Variants in TMC3 observed in about 807,000 individuals in gnomAD.
TMC3 encodes transmembrane channel-like protein 3.
In TMC3, 98 loss-of-function variants were observed where a neutral mutation model predicts 110.6. That is an observed-to-expected ratio of 0.89 (90% CI 0.75 to 1.05). TMC3 has a LOEUF of 1.05. Among genes scored for constraint, TMC3 ranks in the 50% least tolerant of loss-of-function variants. The probability of loss-of-function intolerance (pLI) is 0.00; values close to 1 mark genes in which losing one functional copy is unlikely to be tolerated. For synonymous variants in TMC3, 489 were observed against 513.1 expected, an observed-to-expected ratio of 0.95 and a Z score of 0.63; for missense variants, 1,319 against 1,373.2, an observed-to-expected ratio of 0.96 and a Z score of 0.62.
intron 3 of TMC3, among the ~76,000 whole-genome samples, chr15:81,364,700 CAAAAAAAAAAAAAT>C (rs1385113261): frequency 9.1e-6 from 1 of 110,328 alleles, no homozygotes; most frequent in Non-Finnish European, 2.0e-5. Context: ...AACATTATTC[CAAAAAAAAAAAAAT>C]AAAAAATAAA....
intron 3 of TMC3, among the ~76,000 whole-genome samples, chr15:81,365,292 T>C (rs545860600): frequency 3.2e-3 from 493 of 152,358 alleles, no homozygotes; most frequent in Admixed American, 9.7e-3. Flanking sequence ...ACTCTTCATT[T>C]GACCAGCATC....
At chr15:81,365,006 T>G (rs1894279012) in intron 3 of TMC3, among the ~76,000 whole-genome samples, 1 of 152,172 alleles carries the variant, frequency 6.6e-6, no homozygotes, top group African/African-American at 2.4e-5. Flanking sequence ...ATTATAAAAG[T>G]AAATACAGTC....
At chr15:81,356,384 C>T in intron 8 of TMC3, 63 bp downstream of exon 8, 1 of 1,508,782 alleles carries the variant, frequency 6.6e-7, no homozygotes, top group South Asian at 1.3e-5. Context: ...CAGCTGAGGG[C>T]CAGCGGCTGG....
At chr15:81,337,277 G>A (rs963907250) in intron 19 of TMC3, among the ~76,000 whole-genome samples, 2 of 152,116 alleles carry the variant, frequency 1.3e-5, no homozygotes, top group Admixed American at 1.3e-4. Context: ...TTGGGGTCTG[G>A]AGGACCCAGG....
intron 16 of TMC3, among the ~76,000 whole-genome samples, chr15:81,340,748 A>G (rs1006306242): frequency 2.6e-5 from 4 of 152,234 alleles, no homozygotes; most frequent in African/African-American, 9.6e-5. Flanking sequence ...CAGCAATTGC[A>G]TTCCTAGGTA....
chr15:81,356,712 T>C, intron 7 of TMC3, 118 bp from the exon 8 acceptor site: 1 of 1,130,788 alleles, frequency 8.8e-7, no homozygotes, highest in South Asian at 1.6e-5. Context: ...TGGACGCAGC[T>C]CCTCGGGTCA....
intron 19 of TMC3, 142 bp downstream of exon 19, chr15:81,337,704 G>A (rs931444446): frequency 1.4e-6 from 1 of 708,758 alleles, no homozygotes; most frequent in African/African-American, 1.7e-5. Context: ...GACATCTGGG[G>A]ATTGGTGGCC....
chr15:81,355,110 A>G (rs1596088926), intron 9 of TMC3, among the ~76,000 whole-genome samples: 1 of 152,044 alleles, frequency 6.6e-6, no homozygotes, highest in African/African-American at 2.4e-5. Context: ...GTGTTTCCTT[A>G]ATTCCCCATG....
rs754591842 is a variant in TMC3 at position 81,362,188 on chromosome 15, T to G, written c.394+32A>C. On this transcript the variant is annotated intron_variant, in intron 4 of 21. Coordinates refer to ENST00000359440, the MANE Select transcript of TMC3 (RefSeq NM_001080532.3). Reference sequence around the variant, plus strand: ...CTGTGACTGGCCACTAGCATTGCATTCCTGCCCCACTCTCCAGGTGTAAAT... The same window carrying G: ...CTGTGACTGGCCACTAGCATTGCATGCCTGCCCCACTCTCCAGGTGTAAAT... 1.3e-5 allele frequency: 21 copies of G among 1,563,370 alleles called. No homozygotes were observed. In the African/African-American group the frequency reaches 1.6e-4, roughly 12 times the overall value.
At chr15:81,363,411 G>A (rs889067701) in intron 3 of TMC3, among the ~76,000 whole-genome samples, 3 of 152,212 alleles carry the variant, frequency 2.0e-5, no homozygotes, top group African/African-American at 7.2e-5. Flanking sequence ...ATCTGGGTTT[G>A]TGCTGGAAGC....
intron 3 of TMC3, among the ~76,000 whole-genome samples, chr15:81,363,720 G>T (rs575933186): frequency 6.6e-6 from 1 of 152,226 alleles, no homozygotes; most frequent in East Asian, 1.9e-4. Flanking sequence ...ATAATTTTTG[G>T]TCTCTCGCAT....
chr15:81,370,757 C>G (rs552742967), intron 2 of TMC3, among the ~76,000 whole-genome samples: 12 of 151,330 alleles, frequency 7.9e-5, no homozygotes, highest in African/African-American at 2.9e-4. Flanking sequence ...TCACTGCAAC[C>G]TCTTCCTCCC....
chr15:81,367,743 G>A (rs561216502), intron 3 of TMC3, among the ~76,000 whole-genome samples: 192 of 152,244 alleles, frequency 1.3e-3, no homozygotes, highest in Middle Eastern at 6.8e-3. Context: ...ACACAATTGG[G>A]AAGGGAAGGC....
At chr15:81,349,211 CTTCAT>C (rs1893889420) in intron 11 of TMC3, among the ~76,000 whole-genome samples, 1 of 152,196 alleles carries the variant, frequency 6.6e-6, no homozygotes, top group Non-Finnish European at 1.5e-5. Context: ...TCTTCCTCTT[CTTCAT>C]TTCTTTTCTT....
At chr15:81,371,247 A>G (rs1224187285) in intron 2 of TMC3, among the ~76,000 whole-genome samples, 1 of 152,070 alleles carries the variant, frequency 6.6e-6, no homozygotes, top group Non-Finnish European at 1.5e-5. Flanking sequence ...CATGAAGGAG[A>G]ATTACTTGGA....
chr15:81,366,625 A>G (rs1337854465), intron 3 of TMC3, among the ~76,000 whole-genome samples: 2 of 152,202 alleles, frequency 1.3e-5, no homozygotes, highest in African/African-American at 4.8e-5. Context: ...TTTAGAGAAA[A>G]CAAAAGAGCT....
chr15:81,365,692 GAAA>G (rs957242815), intron 3 of TMC3, among the ~76,000 whole-genome samples: 12 of 138,912 alleles, frequency 8.6e-5, no homozygotes, highest in African/African-American at 2.1e-4. Flanking sequence ...AAAAGAAAAA[GAAA>G]AAAAAGAAAA....
At position 81,362,308 on chromosome 15, in the gene TMC3, A is replaced by G; in HGVS notation, c.313-7T>C. 6.2e-7 allele frequency: 1 copy of G among 1,609,408 alleles called. No homozygotes were observed. The highest frequency in any genetic ancestry group is 8.5e-7 in the Non-Finnish European group (1 of 1,177,480). ...GAGCAAATTTCCGCCAGAGCTAGACAAGAGGGGTCAGGATTAGAGAGGTCA... is the reference window on the plus strand; with the variant it reads ...GAGCAAATTTCCGCCAGAGCTAGACGAGAGGGGTCAGGATTAGAGAGGTCA... On this transcript the variant is annotated splice_polypyrimidine_tract_variant and splice_region_variant and intron_variant, in intron 3 of 21. Coordinates refer to ENST00000359440, the MANE Select transcript of TMC3 (RefSeq NM_001080532.3).
intron 2 of TMC3, 33 bp from the exon 3 acceptor site, chr15:81,368,361 T>C: frequency 1.3e-6 from 2 of 1,551,718 alleles, no homozygotes; most frequent in South Asian, 1.1e-5. Flanking sequence ...GTGAACACAA[T>C]TGTATCACAC....
Sources: allele counts gnomAD v4.1 joint callset (sites outside exome capture counted in the v4.1 genomes callset), GRCh38; gene constraint gnomAD v4.1.1; transcripts MANE v1.5; gene names NCBI Gene and HGNC (gene_info 2026-07-23, HGNC 2026-07-21).